The following SV2C variants were observed in gnomAD, a reference collection of about 807,000 sequenced individuals.
SV2C encodes synaptic vesicle glycoprotein 2C.
Under a neutral mutation model 79.7 loss-of-function variants are expected in SV2C, and 49 were observed. The ratio of observed to expected loss-of-function variants is 0.61; its 90% CI spans 0.49 to 0.78. SV2C has a LOEUF of 0.78. SV2C is among the 30% of genes least tolerant of loss of function. The pLI, the probability that SV2C is intolerant of heterozygous loss-of-function variation, is 0.00. For synonymous variants in SV2C, 334 were observed against 333.2 expected (o/e 1.00, Z -0.03); for missense variants, 833 against 912.9 (o/e 0.91, Z 1.13).
At chr5:76,137,450 A>T (rs1278363851) in intron 2 of SV2C, among the ~76,000 whole-genome samples, 1 of 152,162 alleles carries the variant, frequency 6.6e-6, no homozygotes, top group Non-Finnish European at 1.5e-5. Context: ...GCAGATGGGG[A>T]GGCTGATGAA....
intron 2 of SV2C, among the ~76,000 whole-genome samples, chr5:76,137,926 A>T (rs1276479376): frequency 1.3e-5 from 2 of 152,160 alleles, no homozygotes; most frequent in African/African-American, 4.8e-5. Context: ...GTGAGAAAGG[A>T]TTCCATAGCT....
intron 4 of SV2C, among the ~76,000 whole-genome samples, chr5:76,272,508 A>C (rs1001666985): frequency 6.6e-6 from 1 of 152,248 alleles, no homozygotes; most frequent in Admixed American, 6.5e-5. Flanking sequence ...AGATTGACTA[A>C]GTTGCTAATA....
At chr5:76,026,513 C>T in the SV2C span, among the ~76,000 whole-genome samples, 1 of 152,142 alleles carries the variant, frequency 6.6e-6, no homozygotes, top group African/African-American at 2.4e-5. Flanking sequence ...CAACACAAAG[C>T]AAGGTCTGCC....
intron 4 of SV2C, among the ~76,000 whole-genome samples, chr5:76,238,717 T>G (rs995610431): frequency 6.6e-6 from 1 of 152,192 alleles, no homozygotes; most frequent in African/African-American, 2.4e-5. Flanking sequence ...AAGACTATTT[T>G]CTGTGAAAAC....
At chr5:75,941,693 G>T in the SV2C span, among the ~76,000 whole-genome samples, 1 of 152,148 alleles carries the variant, frequency 6.6e-6, no homozygotes, top group Non-Finnish European at 1.5e-5. Flanking sequence ...ATAATGTTGG[G>T]GCACTTTAGG....
chr5:76,271,852 CAG>C (rs1472612122), intron 4 of SV2C, among the ~76,000 whole-genome samples: 2 of 152,004 alleles, frequency 1.3e-5, no homozygotes, highest in African/African-American at 4.8e-5. Context: ...CTAAAAATTC[CAG>C]AGTCACATTT....
the SV2C span, among the ~76,000 whole-genome samples, chr5:75,925,505 G>A: frequency 1.2e-4 from 18 of 152,120 alleles, no homozygotes; most frequent in Admixed American, 6.5e-5. Context: ...ACTCCTTCAG[G>A]ACAGTTCCCT....
At chr5:76,111,213 A>C (rs1181462618) in intron 1 of SV2C, among the ~76,000 whole-genome samples, 1 of 152,126 alleles carries the variant, frequency 6.6e-6, no homozygotes, top group Non-Finnish European at 1.5e-5. Flanking sequence ...AAGATCCTCT[A>C]AATGGAAGCA....
the SV2C span, among the ~76,000 whole-genome samples, chr5:76,008,976 C>T: frequency 6.6e-6 from 1 of 152,046 alleles, no homozygotes; most frequent in Admixed American, 6.6e-5. Flanking sequence ...GAACGCTGTC[C>T]CCCAGAGATC....
At chr5:75,951,439 T>C in the SV2C span, among the ~76,000 whole-genome samples, 11 of 152,000 alleles carry the variant, frequency 7.2e-5, no homozygotes, top group African/African-American at 2.7e-4. Context: ...TTAAGCTAAA[T>C]GAAGAAATTA....
chr5:76,164,457 A>G (rs1742984700), intron 2 of SV2C, among the ~76,000 whole-genome samples: 1 of 152,222 alleles, frequency 6.6e-6, no homozygotes, highest in South Asian at 2.1e-4. Context: ...ACAATTGCCA[A>G]AGGAAAAGTC....
chr5:75,972,972 A>C, the SV2C span, among the ~76,000 whole-genome samples: 1 of 152,110 alleles, frequency 6.6e-6, no homozygotes, highest in Non-Finnish European at 1.5e-5. Flanking sequence ...TATGGCACCT[A>C]TATACCATGG....
intron 4 of SV2C, among the ~76,000 whole-genome samples, chr5:76,233,324 T>C (rs1384835056): frequency 7.3e-6 from 1 of 137,482 alleles, no homozygotes; most frequent in Non-Finnish European, 1.5e-5. Context: ...GCTTATCAGC[T>C]TAAGGAGATT....
intron 2 of SV2C, among the ~76,000 whole-genome samples, chr5:76,159,803 C>T (rs1215165834): frequency 6.6e-6 from 1 of 152,068 alleles, no homozygotes. Flanking sequence ...TCTAAGGTCA[C>T]ATTCTGAGGT....
intron 1 of SV2C, among the ~76,000 whole-genome samples, chr5:76,124,128 C>T (rs1561225914): frequency 1.3e-5 from 2 of 152,098 alleles, no homozygotes; most frequent in African/African-American, 4.8e-5. Context: ...TAAAATTTAC[C>T]ACTTAACCAT....
chr5:76,044,483 C>T, the SV2C span, among the ~76,000 whole-genome samples: 2 of 152,172 alleles, frequency 1.3e-5, no homozygotes, highest in East Asian at 1.9e-4. Flanking sequence ...GAGGAATCGC[C>T]ACACTGTCTT....
At chr5:76,257,303 G>A (rs1746310265) in intron 4 of SV2C, among the ~76,000 whole-genome samples, 1 of 149,842 alleles carries the variant, frequency 6.7e-6, no homozygotes. Flanking sequence ...TGTGTGTGTG[G>A]TATCTGTATG....
the SV2C span, among the ~76,000 whole-genome samples, chr5:76,047,785 A>AGACG: frequency 6.5e-5 from 6 of 92,630 alleles, no homozygotes; most frequent in African/African-American, 1.9e-4. Context: ...TTTTTTTTTG[A>AGACG]GACGGAGTCT....
At chr5:76,231,795 C>A (rs1316011113) in intron 4 of SV2C, among the ~76,000 whole-genome samples, 1 of 145,926 alleles carries the variant, frequency 6.9e-6, no homozygotes, top group African/African-American at 2.8e-5. Context: ...GCATAGTATT[C>A]CATGGTGTAT....
Sources: gnomAD v4.1 joint callset for allele counts (sites outside exome capture counted in the v4.1 genomes callset) on GRCh38, gnomAD v4.1.1 for gene constraint, MANE v1.5 for transcripts, NCBI Gene and HGNC (gene_info 2026-07-23, HGNC 2026-07-21) for gene names.